Variants in CUL2 observed in about 807,000 individuals in gnomAD.
CUL2 encodes cullin-2.
In CUL2, 22 loss-of-function variants were observed where a neutral mutation model predicts 110.2. That is an observed-to-expected ratio of 0.20 (90% CI 0.14 to 0.28). The LOEUF (loss-of-function observed/expected upper bound fraction) is 0.28, where lower values mean the gene tolerates loss of function less well. Ranked by LOEUF, CUL2 falls within the 10% of genes least tolerant of loss-of-function variation. The pLI, the probability that CUL2 is intolerant of heterozygous loss-of-function variation, is 1.00. For synonymous variants in CUL2, 279 were observed against 293.2 expected, an observed-to-expected ratio of 0.95 and a Z score of 0.49; for missense variants, 631 against 905.5, an observed-to-expected ratio of 0.70 and a Z score of 3.89.
rs1027225001 is a variant in CUL2, at chr10:35,010,232, C to T, written c.*79G>A. On this transcript the variant is annotated 3_prime_UTR_variant, in exon 21 of 21. Coordinates refer to ENST00000374749, the MANE Select transcript of CUL2 (RefSeq NM_003591.4). ...GCCAAATGACCAAATTATGGAGGCA[C>T]AGTCCTGCTTTTTCCCACAGGAACA... 6.4e-6 allele frequency: 9 copies of T among 1,398,868 alleles called. No homozygotes were observed. In the African/African-American group the frequency reaches 1.0e-4, roughly 16 times the overall value. The allele number at this position is 1,398,868 out of a possible 1,614,324, so 86.7% of individuals were successfully genotyped here. A position where few individuals can be genotyped will look rare whatever the true frequency, so the allele number is the denominator to read the frequency against.
intron 2 of CUL2, among the ~76,000 whole-genome samples, chr10:35,070,358 A>G (rs1429930897): frequency 6.6e-6 from 1 of 152,186 alleles, no homozygotes; most frequent in Non-Finnish European, 1.5e-5. Flanking sequence ...CTCTTCTTGC[A>G]TCCACATTCA....
chr10:35,038,654 GAATTCTA>G (rs1341328456), intron 9 of CUL2, among the ~76,000 whole-genome samples: 1 of 149,762 alleles, frequency 6.7e-6, no homozygotes, highest in African/African-American at 2.5e-5. Context: ...TGTTTATCAG[GAATTCTA>G]AATGCATTAA....
chr10:35,124,376 G>A (rs1177441347), intron 1 of CUL2, among the ~76,000 whole-genome samples: 1 of 151,922 alleles, frequency 6.6e-6, no homozygotes, highest in African/African-American at 2.4e-5. Flanking sequence ...AAGCCCAGGA[G>A]TTCCAGACTA....
In CUL2 at chr10:35,031,566, C is replaced by T. The variant is rs1246850184; in HGVS notation, c.1224G>A (p.Glu408=). The T allele has an allele frequency of 6.2e-6, 10 of 1,613,984 alleles. No individual in the cohort carries two copies. The highest frequency in any genetic ancestry group is 8.5e-6 in the Non-Finnish European group (10 of 1,179,970). Residue 408 remains glutamate, a synonymous_variant, in exon 13 of 21, where the codon GAG becomes GAA. Coordinates refer to ENST00000374749, the MANE Select transcript of CUL2 (RefSeq NM_003591.4). The surrounding 1 kb of genome is among the most constrained non-coding windows in gnomAD (Gnocchi z 4.4). ...TCGTGAGCCTGTCTTCCACTTCATT[C>T]TCTGTCATCCCTTTCGCTGACTTCT... is the stretch of plus-strand genomic sequence containing the variant. ...LLKKSAKGMT[E]NEVEDRLTSF...
intron 4 of CUL2, among the ~76,000 whole-genome samples, chr10:35,058,837 T>C (rs911110754): frequency 2.0e-5 from 3 of 152,138 alleles, no homozygotes; most frequent in Non-Finnish European, 2.9e-5. Flanking sequence ...CTTGCGTTTT[T>C]CCTGGGAGCA....
chr10:35,082,328 C>T (rs4934717), intron 1 of CUL2, among the ~76,000 whole-genome samples: 22,965 of 152,050 alleles, frequency 0.15, 1,962 homozygotes, highest in East Asian at 0.24. Flanking sequence ...CCTATTTAAA[C>T]AAAAGTATGT....
chr10:35,068,634 G>A (rs1292379071), intron 2 of CUL2, among the ~76,000 whole-genome samples: 1 of 152,084 alleles, frequency 6.6e-6, no homozygotes, highest in Non-Finnish European at 1.5e-5. Context: ...TTATGAACTT[G>A]TCCATATTTG....
At position 35,082,379 on chromosome 10, in the gene CUL2, T is replaced by C. The variant is rs147710520; in HGVS notation, c.-23+7800A>G. ...TAAAGACAGAAAGAAGGATGAGATG[T>C]TATCAGATGCTGGGGGAAGGGGAAA... On this transcript the variant is annotated intron_variant, in intron 1 of 20. Transcript: ENST00000374749. Among the ~76,000 whole-genome samples, 8 of 152,254 alleles carry C rather than the reference T, an allele frequency of 5.3e-5. No homozygotes were observed. The South Asian group carries it at 1.2e-3, about 24-fold the overall frequency.
At chr10:35,052,206 A>G (rs750335004) in intron 5 of CUL2, among the ~76,000 whole-genome samples, 1 of 152,148 alleles carries the variant, frequency 6.6e-6, no homozygotes, top group Non-Finnish European at 1.5e-5. Context: ...TCCATTGGTA[A>G]TTAAGCATCT....
intron 5 of CUL2, among the ~76,000 whole-genome samples, chr10:35,050,188 GCAT>G (rs2086064533): frequency 6.6e-6 from 1 of 152,056 alleles, no homozygotes; most frequent in Non-Finnish European, 1.5e-5. Context: ...TGGTGTGGTG[GCAT>G]GCGCCTGTAA....
rs2084853746 is a variant in CUL2 at position 35,009,806 on chromosome 10, AGTCAATATATTTTGTG to A, written c.*489_*504del. On this transcript the variant is annotated 3_prime_UTR_variant, in exon 21 of 21. Transcript: ENST00000374749. ...AACTAAAGATGCATTAGCTGCTTTG[AGTCAATATATTTTGTG>A]GTCAACCTGATACTCCATCCACATA... 1 of 152,586 alleles carries A rather than the reference AGTCAATATATTTTGTG, an allele frequency of 6.6e-6. No individual in the cohort carries two copies. The highest frequency in any genetic ancestry group is 2.4e-5 in the African/African-American group (1 of 41,424). The allele number at this position is 152,586 out of a possible 1,614,324, so 9.5% of individuals were successfully genotyped here.
chr10:35,085,696 CAAAAAA>C (rs1263412257), intron 1 of CUL2, among the ~76,000 whole-genome samples: 1 of 55,786 alleles, frequency 1.8e-5, no homozygotes, highest in South Asian at 5.7e-4. Context: ...GACTCTGTCT[CAAAAAA>C]AAAAAAAAAA....
intron 1 of CUL2, among the ~76,000 whole-genome samples, chr10:35,122,918 A>T (rs973872230): frequency 6.6e-6 from 1 of 152,224 alleles, no homozygotes; most frequent in Admixed American, 6.5e-5. Context: ...CTAGAATTAT[A>T]GGCGTGGGCC....
chr10:35,122,904 T>A (rs1374777050), intron 1 of CUL2, among the ~76,000 whole-genome samples: 1 of 152,202 alleles, frequency 6.6e-6, no homozygotes, highest in African/African-American at 2.4e-5. Context: ...AGCCTCCCAA[T>A]GTGCTAGAAT....
intron 8 of CUL2, among the ~76,000 whole-genome samples, chr10:35,040,526 G>C (rs1036203047): frequency 6.6e-6 from 1 of 152,144 alleles, no homozygotes; most frequent in Non-Finnish European, 1.5e-5. Flanking sequence ...CCTGGAAAGC[G>C]GATCAGAAAT....
chr10:35,126,555 G>C (rs1287848045), intron 1 of CUL2: 2 of 152,544 alleles, frequency 1.3e-5, no homozygotes, highest in Non-Finnish European at 2.9e-5. Flanking sequence ...ACAGAGGTGA[G>C]ACGCTCGCGG....
intron 1 of CUL2, among the ~76,000 whole-genome samples, chr10:35,076,615 G>T (rs1020974543): frequency 1.3e-5 from 2 of 152,032 alleles, no homozygotes; most frequent in African/African-American, 4.8e-5. Context: ...GGCAATAAAT[G>T]TTATATGTTC....
chr10:35,028,757 A>G, intron 16 of CUL2, 53 bp downstream of exon 16: 1 of 1,178,246 alleles, frequency 8.5e-7, no homozygotes, highest in Non-Finnish European at 1.2e-6. Context: ...ATATAATATG[A>G]AGACAATTAT....
At chr10:35,040,970 G>A (rs919051087) in intron 8 of CUL2, among the ~76,000 whole-genome samples, 2 of 152,124 alleles carry the variant, frequency 1.3e-5, no homozygotes, top group Non-Finnish European at 2.9e-5. Context: ...TGTGCAGCCC[G>A]GTTCCTCCTA....
Sources: gnomAD v4.1 joint callset for allele counts (sites outside exome capture counted in the v4.1 genomes callset) on GRCh38, gnomAD v4.1.1 for gene constraint, Gnocchi (gnomAD v3.1) non-coding constraint, MANE v1.5 for transcripts, NCBI Gene and HGNC (gene_info 2026-07-23, HGNC 2026-07-21) for gene names.